The following OPCML variants were observed in gnomAD, a reference collection of about 807,000 sequenced individuals.
OPCML encodes the protein opioid-binding protein/cell adhesion molecule.
OPCML carries 13 observed loss-of-function variants against 37.8 expected under a neutral mutation model. The ratio of observed to expected loss-of-function variants is 0.34; its 90% CI spans 0.22 to 0.55. OPCML has a LOEUF of 0.55. Ranked by LOEUF, OPCML falls within the 20% of genes least tolerant of loss-of-function variation. The pLI is 0.91. For missense variants in OPCML, 341 were observed against 435.6 expected (o/e 0.78, Z 1.93); for synonymous variants, 176 against 168.8 (o/e 1.04, Z -0.33).
Position 132,528,930 on chromosome 11 carries a change from G to C in OPCML, c.505+131C>G, listed in dbSNP as rs911831694. On this transcript the variant is annotated intron_variant, in intron 4 of 7. Transcript: ENST00000524381. ...TTTGAAATGAAATAGCCAGCAATTGGTGCATATTGCCTGTTTGATTTTCTA... is the reference window on the plus strand; with the variant it reads ...TTTGAAATGAAATAGCCAGCAATTGCTGCATATTGCCTGTTTGATTTTCTA... 3.2e-5 allele frequency: 18 copies of C among 567,258 alleles called. No individual in the cohort carries two copies. In the African/African-American group the frequency reaches 3.2e-4, roughly 10 times the overall value. 35.1% of individuals were successfully genotyped at this position (567,258 alleles called of 1,614,324 possible). A position where few individuals can be genotyped will look rare whatever the true frequency, so the allele number is the denominator to read the frequency against.
chr11:133,377,513 G>C (rs1485995321), intron 1 of OPCML, among the ~76,000 whole-genome samples: 1 of 151,400 alleles, frequency 6.6e-6, no homozygotes, highest in East Asian at 2.0e-4. Flanking sequence ...ACCCAGAGGT[G>C]GCACAGGCCC....
rs78279032 is a variant in OPCML at position 133,262,275 on chromosome 11, C to A, written c.61+269989G>T. Among the ~76,000 whole-genome samples the A allele has an allele frequency of 1.5e-4, 23 of 152,280 alleles. No homozygotes were observed. The East Asian group carries it at 4.4e-3, about 29-fold the overall frequency. On this transcript the variant is annotated intron_variant, in intron 1 of 7. Transcript: ENST00000524381. ...GTAATAGGATTCTCCCTTTAAAAAT[C>A]TGTTCTCCAGGATAAATGGGCGAAT...
At chr11:132,501,905 T>C (rs2096246477) in intron 4 of OPCML, among the ~76,000 whole-genome samples, 1 of 152,196 alleles carries the variant, frequency 6.6e-6, no homozygotes, top group East Asian at 1.9e-4. Context: ...TACAAATGCT[T>C]TCAGATGAAT....
intron 2 of OPCML, among the ~76,000 whole-genome samples, chr11:132,728,109 G>GTA (rs1944949392): frequency 6.6e-6 from 1 of 152,244 alleles, no homozygotes; most frequent in Non-Finnish European, 1.5e-5. Flanking sequence ...GAAAACGTGT[G>GTA]CCGCGCCTGT....
At chr11:132,659,619 A>G (rs1941863883) in intron 2 of OPCML, among the ~76,000 whole-genome samples, 1 of 152,208 alleles carries the variant, frequency 6.6e-6, no homozygotes, top group Non-Finnish European at 1.5e-5. Flanking sequence ...TGCCATAAAA[A>G]ATTGTAAGCT....
intron 1 of OPCML, chr11:133,008,876 T>G: frequency 1.0e-6 from 1 of 985,298 alleles, no homozygotes; most frequent in Non-Finnish European, 1.2e-6. Context: ...GAGCCCAACC[T>G]AATATATCTG....
intron 1 of OPCML, among the ~76,000 whole-genome samples, chr11:132,981,216 G>A (rs1946576019): frequency 6.6e-6 from 1 of 152,166 alleles, no homozygotes; most frequent in Admixed American, 6.5e-5. Context: ...AGAAGAAATG[G>A]AAAAAGACAA....
chr11:132,890,856 CAAAAA>C (rs57246769), intron 2 of OPCML, among the ~76,000 whole-genome samples: 1 of 46,478 alleles, frequency 2.2e-5, no homozygotes, highest in Admixed American at 2.4e-4. Flanking sequence ...GACTCCATCT[CAAAAA>C]AAAAAAAAAA....
chr11:132,592,136 C>A (rs2096485488), intron 3 of OPCML, among the ~76,000 whole-genome samples: 2 of 152,194 alleles, frequency 1.3e-5, no homozygotes, highest in South Asian at 4.1e-4. Flanking sequence ...CTCATCAAGT[C>A]AAAGTGAGAC....
chr11:133,149,363 C>A (rs1196083327), intron 1 of OPCML, among the ~76,000 whole-genome samples: 1 of 152,132 alleles, frequency 6.6e-6, no homozygotes, highest in Non-Finnish European at 1.5e-5. Context: ...CCATATATTT[C>A]CCCCTGCAAA....
At chr11:133,362,088 G>A (rs1001926864) in intron 1 of OPCML, 2 of 152,348 alleles carry the variant, frequency 1.3e-5, no homozygotes, top group African/African-American at 2.4e-5. Flanking sequence ...GCTGCACCCT[G>A]AGCTCAGCTT....
At chr11:132,716,410 CTGTCTATCTATCTATCTATCTATCT>C (rs1201216169) in intron 2 of OPCML, among the ~76,000 whole-genome samples, 1 of 41,040 alleles carries the variant, frequency 2.4e-5, no homozygotes, top group African/African-American at 1.6e-4. Context: ...ATCTATCTGT[CTGTCTATCTATCTATCTATCTATCT>C]ATCTATCTAT....
At chr11:132,870,997 A>G (rs1488791984) in intron 2 of OPCML, among the ~76,000 whole-genome samples, 1 of 152,194 alleles carries the variant, frequency 6.6e-6, no homozygotes, top group African/African-American at 2.4e-5. Context: ...CACAGTGACT[A>G]TAGTTAATAA....
chr11:133,438,733 C>T (rs1365714069), intron 1 of OPCML, among the ~76,000 whole-genome samples: 2 of 152,080 alleles, frequency 1.3e-5, no homozygotes, highest in African/African-American at 2.4e-5. Context: ...CATAATTAGC[C>T]GGTTGCAACT....
chr11:132,747,277 GAGGTATTAT>G (rs1945664233), intron 2 of OPCML, among the ~76,000 whole-genome samples: 1 of 152,112 alleles, frequency 6.6e-6, no homozygotes, highest in South Asian at 2.1e-4. Context: ...AAGCAGCTAA[GAGGTATTAT>G]AGGAAGCAGT....
chr11:132,838,560 T>G (rs1941147180), intron 2 of OPCML, among the ~76,000 whole-genome samples: 3 of 152,236 alleles, frequency 2.0e-5, no homozygotes, highest in Admixed American at 6.5e-5. Flanking sequence ...AATAACTTTA[T>G]TATATAAGAC....
At chr11:132,624,408 G>A (rs193256040) in intron 3 of OPCML, among the ~76,000 whole-genome samples, 66 of 152,196 alleles carry the variant, frequency 4.3e-4, no homozygotes, top group African/African-American at 1.4e-3. Context: ...TTTTGAAGCC[G>A]TTGGCCACTT....
intron 1 of OPCML, among the ~76,000 whole-genome samples, chr11:133,378,249 A>G (rs2136772659): frequency 6.6e-6 from 1 of 152,296 alleles, no homozygotes; most frequent in African/African-American, 2.4e-5. Flanking sequence ...TTGTGTCGAT[A>G]TAACTCTCAA....
intron 1 of OPCML, among the ~76,000 whole-genome samples, chr11:133,082,963 G>A (rs1477169985): frequency 1.3e-5 from 2 of 150,876 alleles, no homozygotes; most frequent in African/African-American, 4.9e-5. Context: ...CGCCGGGACC[G>A]CACCTCGTCC....
Sources: allele counts gnomAD v4.1 joint callset (sites outside exome capture counted in the v4.1 genomes callset), GRCh38; gene constraint gnomAD v4.1.1; transcripts MANE v1.5; gene names NCBI Gene and HGNC (gene_info 2026-07-23, HGNC 2026-07-21).